The following POGZ variants were observed in gnomAD, a reference collection of about 807,000 sequenced individuals.
POGZ encodes the protein pogo transposable element derived with ZNF domain.
POGZ carries 17 observed loss-of-function variants against 134.6 expected under a neutral mutation model. That is an observed-to-expected ratio of 0.13 (90% CI 0.09 to 0.19). POGZ has a LOEUF of 0.19. Among genes scored for constraint, POGZ ranks in the 10% least tolerant of loss-of-function variants. The pLI is 1.00. For synonymous variants in POGZ, 693 were observed against 657.1 expected (o/e 1.05, Z -0.84); for missense variants, 1,306 against 1,769.7 (o/e 0.74, Z 4.70).
intron 4 of POGZ, among the ~76,000 whole-genome samples, chr1:151,430,123 C>G (rs80146644): frequency 1.5e-4 from 23 of 152,202 alleles, no homozygotes; most frequent in African/African-American, 5.3e-4. Flanking sequence ...ACTTCAAAGG[C>G]CATAAACCTT....
In POGZ at chr1:151,412,383, G is replaced by A; in HGVS notation, c.1692C>T (p.Ile564=). Residue 564 remains isoleucine (I), a synonymous_variant, in exon 11 of 19, where the codon ATC becomes ATT. Transcript: ENST00000271715. ...GCTCACTTTCAAACGCCCATTCACAGATCTTGCACTTGGCTGTAAGAAGAA... is the reference window on the plus strand; with the variant it reads ...GCTCACTTTCAAACGCCCATTCACAAATCTTGCACTTGGCTGTAAGAAGAA... ...SPYESTTKCK[I]CEWAFESEPL... 6.3e-7 allele frequency: 1 copy of A among 1,597,906 alleles called. No homozygotes were observed. The highest frequency in any genetic ancestry group is 8.6e-7 in the Non-Finnish European group (1 of 1,165,980).
intron 3 of POGZ, among the ~76,000 whole-genome samples, chr1:151,434,905 ATTCT>A (rs376710961): frequency 4.8e-5 from 7 of 147,142 alleles, no homozygotes; most frequent in East Asian, 2.0e-4. Flanking sequence ...TTTTTCCTTC[ATTCT>A]TTCTTTTTTT....
intron 8 of POGZ, 73 bp from the exon 9 acceptor site, chr1:151,424,359 C>T (rs1265510273): frequency 1.2e-5 from 11 of 921,066 alleles, no homozygotes; most frequent in Admixed American, 1.1e-4. Context: ...ACTTCACTAC[C>T]ATTCCTTGTT....
At chr1:151,414,173 C>G (rs1467097158) in intron 10 of POGZ, among the ~76,000 whole-genome samples, 1 of 152,058 alleles carries the variant, frequency 6.6e-6, no homozygotes, top group Non-Finnish European at 1.5e-5. Context: ...GAGAGAGGAC[C>G]AAGAGAAAAG....
chr1:151,418,835 C>T (rs985550024), intron 10 of POGZ, among the ~76,000 whole-genome samples: 9 of 149,346 alleles, frequency 6.0e-5, no homozygotes, highest in Admixed American at 1.3e-4. Flanking sequence ...ACCAGCCTGG[C>T]TAACATGCTG....
chr1:151,458,646 G>A (rs1179881450), intron 1 of POGZ, among the ~76,000 whole-genome samples: 1 of 142,244 alleles, frequency 7.0e-6, no homozygotes, highest in Non-Finnish European at 1.6e-5. Context: ...CCCCCTCGCC[G>A]GCCCCTCCCG....
In POGZ at chr1:151,409,455, C is replaced by T. The variant is rs1176731217; in HGVS notation, c.1927-627G>A. On this transcript the variant is annotated intron_variant, in intron 12 of 18. Transcript: ENST00000271715. ...AGTGGCATGTTCATAGCTCACTGCACGTCCCAAGTAGCTGGGACTACAGGC... is the reference window on the plus strand; with the variant it reads ...AGTGGCATGTTCATAGCTCACTGCATGTCCCAAGTAGCTGGGACTACAGGC... Among the ~76,000 whole-genome samples, 7 of 152,252 alleles carry T rather than the reference C, an allele frequency of 4.6e-5. No individual in the cohort carries two copies. The East Asian group carries it at 9.6e-4, about 21-fold the overall frequency.
At chr1:151,411,551 C>G (rs569549378) in intron 12 of POGZ, 74 bp downstream of exon 12, 1 of 1,065,258 alleles carries the variant, frequency 9.4e-7, no homozygotes, top group East Asian at 2.4e-5. Context: ...TTGCCTAGCT[C>G]AGCCCTGGCC....
chr1:151,456,129 G>A (rs10736380), intron 1 of POGZ, among the ~76,000 whole-genome samples: 124,603 of 152,104 alleles, frequency 0.82, 51,247 homozygotes, highest in Non-Finnish European at 0.83. Context: ...CCATTGCTAT[G>A]TCTGGAATTT....
rs1653055583 is a variant in POGZ at position 151,403,496 on chromosome 1, T to A, written c.*1306A>T. On this transcript the variant is annotated 3_prime_UTR_variant, in exon 19 of 19. Transcript: ENST00000271715. ...CCTCAGGATAAACAGAAGACTTGGT[T>A]TTTTGCTCCTTTTCTCTGTACGGTA... The A allele has an allele frequency of 8.1e-6, 8 of 985,782 alleles. No individual in the cohort carries two copies. The highest frequency in any genetic ancestry group is 9.6e-6 in the Non-Finnish European group (8 of 829,918). 61.1% of individuals were successfully genotyped at this position (985,782 alleles called of 1,614,324 possible). A position where few individuals can be genotyped will look rare whatever the true frequency, so the allele number is the denominator to read the frequency against.
chr1:151,409,838 C>G (rs974682815), intron 12 of POGZ, among the ~76,000 whole-genome samples: 4 of 152,198 alleles, frequency 2.6e-5, no homozygotes, highest in Middle Eastern at 3.2e-3. Context: ...CTGGTGAGAC[C>G]ACTTTGAGGA....
At chr1:151,437,449 T>G (rs993267107) in intron 3 of POGZ, among the ~76,000 whole-genome samples, 3 of 152,204 alleles carry the variant, frequency 2.0e-5, no homozygotes, top group African/African-American at 7.2e-5. Flanking sequence ...CTGAATTGTT[T>G]AAAAATTATT....
chr1:151,410,714 A>G, intron 12 of POGZ, among the ~76,000 whole-genome samples: 1 of 152,196 alleles, frequency 6.6e-6, no homozygotes, highest in Non-Finnish European at 1.5e-5. Context: ...CAACAGCTAC[A>G]CTTGACATCC....
Position 151,430,756 on chromosome 1 carries a change from T to C in POGZ, c.369A>G (p.Gln123=), listed in dbSNP as rs573503973. The change falls in exon 4 of 19, where the codon CAA becomes CAG. Residue 123 remains glutamine, a synonymous_variant. Transcript: ENST00000271715. The part of the protein sequence containing the change: ...PAPGLGTMVT[Q]PVLRPVQVMQ... Reference sequence around the variant, plus strand: ...TGACCTGAACAGGCCTCAATACTGGTTGAGTAACCATTGTGCCCAGACCTG... The same window carrying C: ...TGACCTGAACAGGCCTCAATACTGGCTGAGTAACCATTGTGCCCAGACCTG... 7 of 1,605,638 alleles carry C rather than the reference T, an allele frequency of 4.4e-6. No individual in the cohort carries two copies. The Admixed American group carries it at 6.8e-5, about 16-fold the overall frequency.
intron 8 of POGZ, chr1:151,424,551 T>C (rs1657456235): frequency 5.7e-6 from 2 of 351,500 alleles, no homozygotes; most frequent in Non-Finnish European, 1.0e-5. Flanking sequence ...CTGAGCTCCC[T>C]GGCAAAGAAG....
chr1:151,444,277 G>A (rs769407105), intron 1 of POGZ, among the ~76,000 whole-genome samples: 22 of 152,098 alleles, frequency 1.4e-4, no homozygotes, highest in Non-Finnish European at 2.9e-4. Flanking sequence ...ATTATATGAA[G>A]ACAATACTAG....
chr1:151,423,288 T>A, intron 10 of POGZ, 109 bp downstream of exon 10: 1 of 921,464 alleles, frequency 1.1e-6, no homozygotes, highest in Non-Finnish European at 1.7e-6. Flanking sequence ...AAGTACTTCC[T>A]CTACACTGTT....
At chr1:151,446,755 C>CAAA (rs11309351) in intron 1 of POGZ, among the ~76,000 whole-genome samples, 35 of 70,666 alleles carry the variant, frequency 5.0e-4, no homozygotes, top group East Asian at 2.1e-3. Context: ...GACTCCATCT[C>CAAA]AAAAAAAAAA....
chr1:151,432,276 G>A (rs1658824110), intron 3 of POGZ, among the ~76,000 whole-genome samples: 1 of 152,154 alleles, frequency 6.6e-6, no homozygotes, highest in Non-Finnish European at 1.5e-5. Flanking sequence ...GGGCCCCTCT[G>A]AAATGTATGT....
Sources: allele counts gnomAD v4.1 joint callset (sites outside exome capture counted in the v4.1 genomes callset), GRCh38; gene constraint gnomAD v4.1.1; transcripts MANE v1.5; gene names NCBI Gene and HGNC (gene_info 2026-07-23, HGNC 2026-07-21).